Variants in CPXM2 observed in about 807,000 individuals in gnomAD.
CPXM2 encodes the protein inactive carboxypeptidase-like protein X2.
In CPXM2, 66 loss-of-function variants were observed where a neutral mutation model predicts 86.1. That is an observed-to-expected ratio of 0.77 (90% CI 0.63 to 0.94). The LOEUF (loss-of-function observed/expected upper bound fraction) is 0.94. Ranked by LOEUF, CPXM2 falls within the 40% of genes least tolerant of loss-of-function variation. The pLI is 0.00. For missense variants in CPXM2, 948 were observed against 1,026.3 expected (o/e 0.92, Z 1.04); for synonymous variants, 388 against 400.2 (o/e 0.97, Z 0.36).
At chr10:123,779,152 A>G (rs1008378860) in intron 7 of CPXM2, among the ~76,000 whole-genome samples, 10 of 152,150 alleles carry the variant, frequency 6.6e-5, no homozygotes, top group Non-Finnish European at 1.5e-4. Context: ...TGTTCTGTAA[A>G]TGTATTCAGA....
chr10:123,747,116 T>C, intron 13 of CPXM2, 99 bp from the exon 14 acceptor site: 1 of 1,423,008 alleles, frequency 7.0e-7, no homozygotes, highest in Non-Finnish European at 9.5e-7. Flanking sequence ...AGAGAGAGAC[T>C]CTCAGGCTGG....
rs112646528 is a variant in CPXM2, at chr10:123,891,593, C to G, written c.67G>C (p.Val23Leu). ...TCGAGGGCTGCGCCCTGGGCTCCGA[C>G]CCCGGCCAGGGTCACTGCCAGGAGC... ...LVLLAVTLAG[V>L]GAQGAALEDP... Residue 23 changes from valine (V) to leucine (L), a missense_variant, in exon 1 of 14, where the codon GTC (valine) becomes CTC (leucine). By Grantham distance (32) the Val-to-Leu change is conservative. Coordinates refer to ENST00000241305, the MANE Select transcript of CPXM2 (RefSeq NM_198148.3). The surrounding 1 kb of genome is among the most constrained non-coding windows in gnomAD (Gnocchi z 5.6). 6.3e-4 allele frequency: 968 copies of G among 1,529,720 alleles called. 12 individuals carry two copies. In the African/African-American group the frequency reaches 0.011, roughly 17 times the overall value. The allele number at this position is 1,529,720 out of a possible 1,614,324, so 94.8% of individuals were successfully genotyped here.
intron 1 of CPXM2, among the ~76,000 whole-genome samples, chr10:123,888,565 C>T (rs1464747005): frequency 6.6e-6 from 1 of 152,118 alleles, no homozygotes; most frequent in Non-Finnish European, 1.5e-5. Flanking sequence ...TAGATCAAGC[C>T]GCTACTTAAA....
chr10:123,811,136 T>TTTG (rs111709840), intron 4 of CPXM2, among the ~76,000 whole-genome samples: 1 of 32,512 alleles, frequency 3.1e-5, no homozygotes, highest in African/African-American at 4.5e-4. Context: ...AAATCATTTT[T>TTTG]TTTTTTCTTT....
chr10:123,805,829 A>G (rs151283950), intron 4 of CPXM2, among the ~76,000 whole-genome samples: 34 of 152,282 alleles, frequency 2.2e-4, no homozygotes, highest in Admixed American at 1.8e-3. Flanking sequence ...TATTCTTTTC[A>G]TAATTCTCTT....
intron 10 of CPXM2, among the ~76,000 whole-genome samples, chr10:123,765,134 C>G (rs1198313585): frequency 6.6e-6 from 1 of 152,102 alleles, no homozygotes; most frequent in Non-Finnish European, 1.5e-5. Context: ...TGAGATTTCC[C>G]TTATAAGCCC....
intron 3 of CPXM2, among the ~76,000 whole-genome samples, chr10:123,849,655 C>T (rs1044026763): frequency 4.6e-5 from 7 of 152,036 alleles, no homozygotes; most frequent in South Asian, 2.1e-4. Context: ...TCAGGTGATC[C>T]GCCTGCTTCA....
chr10:123,758,935 A>T (rs763921091), intron 11 of CPXM2, among the ~76,000 whole-genome samples: 14 of 152,168 alleles, frequency 9.2e-5, no homozygotes, highest in Non-Finnish European at 1.6e-4. Context: ...GGGTGTCAAG[A>T]GCAACTCTAT....
At chr10:123,765,101 G>C (rs1199988968) in intron 10 of CPXM2, among the ~76,000 whole-genome samples, 6 of 152,104 alleles carry the variant, frequency 3.9e-5, no homozygotes, top group African/African-American at 1.4e-4. Context: ...AGGTCTGTCT[G>C]ACACCTATTC....
Position 123,775,895 on chromosome 10 carries a change from TC to T in CPXM2, c.978+4271del, listed in dbSNP as rs34071693. The stretch of plus-strand genomic sequence containing the variant: ...CTTCTGAGCAAGGCAACCATGAACA[TC>T]CCCAGGAATGAAGTTTCCCATTTAA... On this transcript the variant is annotated intron_variant, in intron 7 of 13. Transcript: ENST00000241305. Among the ~76,000 whole-genome samples, 7 of 152,330 alleles carry T rather than the reference TC, an allele frequency of 4.6e-5. No homozygotes were observed. In the South Asian group the frequency reaches 1.5e-3, roughly 32 times the overall value.
chr10:123,829,773 A>T (rs1277703280), intron 4 of CPXM2, among the ~76,000 whole-genome samples: 1 of 152,222 alleles, frequency 6.6e-6, no homozygotes, highest in African/African-American at 2.4e-5. Context: ...AACAATGCAC[A>T]CTATAATAAC....
intron 2 of CPXM2, among the ~76,000 whole-genome samples, chr10:123,870,604 C>T (rs56387117): frequency 0.13 from 20,468 of 152,178 alleles, 1,563 homozygotes; most frequent in African/African-American, 0.2. Flanking sequence ...TTCTCAGATA[C>T]CACTGGCTTC....
chr10:123,892,708 T>C (rs982427487), upstream of CPXM2, among the ~76,000 whole-genome samples: 45 of 152,150 alleles, frequency 3.0e-4, no homozygotes, highest in Admixed American at 2.9e-3. Context: ...CAGGACTGGT[T>C]TCTTAGGGGA....
At chr10:123,768,059 G>C (rs1453373698) in intron 9 of CPXM2, among the ~76,000 whole-genome samples, 2 of 152,116 alleles carry the variant, frequency 1.3e-5, no homozygotes, top group East Asian at 3.9e-4. Flanking sequence ...CATAAACCTT[G>C]TAGGCTTCCC....
chr10:123,909,684 G>A (rs550912029), intron 2 of CPXM2, among the ~76,000 whole-genome samples: 42 of 152,210 alleles, frequency 2.8e-4, no homozygotes, highest in Non-Finnish European at 5.3e-4. Flanking sequence ...TGGAAAGCTA[G>A]TAAAAGCTCC....
chr10:123,827,051 A>G (rs947485876), intron 4 of CPXM2, among the ~76,000 whole-genome samples: 1 of 152,206 alleles, frequency 6.6e-6, no homozygotes, highest in Non-Finnish European at 1.5e-5. Flanking sequence ...TCTGTAGTCT[A>G]AAAACAAAAA....
chr10:123,937,470 A>AACACACAC (rs201368456), intron 2 of CPXM2, among the ~76,000 whole-genome samples: 5,420 of 132,496 alleles, frequency 0.041, 157 homozygotes, highest in Admixed American at 0.062. Flanking sequence ...ACAACAAAAC[A>AACACACAC]ACACACACAC....
chr10:123,905,630 C>T lies in CPXM2; in HGVS notation n.175-25321G>A, dbSNP rs373938962. On this transcript the variant is annotated intron_variant and non_coding_transcript_variant, in intron 2 of 19. Transcript: ENST00000368854. ...TCCTCTGGCCCCTGGGTCTAGGCTG[C>T]CTCCCACCTAATGTGACCGTACATT... Among the ~76,000 whole-genome samples the T allele has an allele frequency of 2.0e-5, 3 of 152,142 alleles. No homozygotes were observed. The South Asian group carries it at 6.2e-4, about 32-fold the overall frequency.
chr10:123,897,974 T>C (rs1945351554), intron 2 of CPXM2, among the ~76,000 whole-genome samples: 1 of 152,168 alleles, frequency 6.6e-6, no homozygotes, highest in South Asian at 2.1e-4. Context: ...CCAAATGCAG[T>C]TGGTCCACAC....
Sources: allele counts gnomAD v4.1 joint callset (sites outside exome capture counted in the v4.1 genomes callset), GRCh38; gene constraint gnomAD v4.1.1; non-coding constraint Gnocchi (gnomAD v3.1); transcripts MANE v1.5; gene names NCBI Gene and HGNC (gene_info 2026-07-23, HGNC 2026-07-21).